MAP3K9: variants seen among roughly 807,000 people sequenced by gnomAD.
MAP3K9 encodes the protein mitogen-activated protein kinase kinase kinase 9.
A neutral mutation model predicts 95.8 loss-of-function variants in MAP3K9; 46 were observed. That is an observed-to-expected ratio of 0.48 (90% CI 0.38 to 0.61). The LOEUF is 0.61. MAP3K9 is among the 20% of genes least tolerant of loss of function. MAP3K9 has a pLI of 0.00. For missense variants in MAP3K9, 1,296 were observed against 1,474.3 expected (o/e 0.88, Z 1.98); for synonymous variants, 533 against 593.8 (o/e 0.90, Z 1.49).
At chr14:70,806,046 A>G (rs561900924) in intron 1 of MAP3K9, among the ~76,000 whole-genome samples, 2 of 152,356 alleles carry the variant, frequency 1.3e-5, no homozygotes, top group East Asian at 3.9e-4. Context: ...TCTTCTATTC[A>G]TGGTCCAGAA....
At chr14:70,779,945 C>G (rs570797248) in intron 2 of MAP3K9, among the ~76,000 whole-genome samples, 1 of 152,204 alleles carries the variant, frequency 6.6e-6, no homozygotes, top group African/African-American at 2.4e-5. Flanking sequence ...GGAGACAGAA[C>G]GGATAGATGA....
intron 2 of MAP3K9, among the ~76,000 whole-genome samples, chr14:70,799,362 T>C (rs1389953848): frequency 6.6e-6 from 1 of 151,988 alleles, no homozygotes; most frequent in African/African-American, 2.4e-5. Flanking sequence ...TTTTTTGAGA[T>C]GGAGTCTCGC....
chr14:70,734,548 T>A, intron 9 of MAP3K9, 50 bp from the exon 10 acceptor site: 2 of 1,074,424 alleles, frequency 1.9e-6, no homozygotes. Context: ...CCTTTCTTAC[T>A]TGACCCTCAG....
At chr14:70,784,902 G>A (rs1374153918) in intron 2 of MAP3K9, among the ~76,000 whole-genome samples, 2 of 152,176 alleles carry the variant, frequency 1.3e-5, no homozygotes, top group African/African-American at 2.4e-5. Context: ...TCTGTAGTTC[G>A]AAATGTGGGG....
chr14:70,749,788 TCCAGTTGC>T (rs2054200051), intron 4 of MAP3K9, 137 bp downstream of exon 4: 5 of 908,500 alleles, frequency 5.5e-6, no homozygotes, highest in Non-Finnish European at 8.3e-6. Flanking sequence ...AAGAAGCCTT[TCCAGTTGC>T]CCAGAGGATT....
Position 70,762,449 on chromosome 14 carries a change from A to G in MAP3K9, c.821-1267T>C, listed in dbSNP as rs552619351. On this transcript the variant is annotated intron_variant, in intron 2 of 11. Transcript: ENST00000554752. ...TCTTAATGCCATCCTAGTGCATGTG[A>G]TATGGTAACTCATTGTGGTTTGGGT... Among the ~76,000 whole-genome samples, 3 of 152,276 alleles carry G rather than the reference A, an allele frequency of 2.0e-5. No individual in the cohort carries two copies. In the South Asian group the frequency reaches 6.2e-4, roughly 32 times the overall value.
In MAP3K9 at chr14:70,809,377, C is replaced by G; in HGVS notation, c.-206G>C. On this transcript the variant is annotated 5_prime_UTR_variant, in exon 1 of 12. Coordinates refer to ENST00000554752, the MANE Select transcript of MAP3K9 (RefSeq NM_001284230.2). The stretch of plus-strand genomic sequence containing the variant: ...GAGCGCCGAGCGCGAGCTCTTCGCG[C>G]AGCCTAGGGGCGCAGCGGGCCGAGT... 1.7e-6 allele frequency: 1 copy of G among 575,402 alleles called. No individual in the cohort carries two copies. The highest frequency in any genetic ancestry group is 2.6e-6 in the Non-Finnish European group (1 of 391,282). 35.6% of individuals were successfully genotyped at this position (575,402 alleles called of 1,614,324 possible).
At position 70,735,233 on chromosome 14, in the gene MAP3K9, A is replaced by G. The variant is rs368711888; in HGVS notation, c.1913+728T>C. Among the ~76,000 whole-genome samples, 17 of 152,232 alleles carry G rather than the reference A, an allele frequency of 1.1e-4. No individual in the cohort carries two copies. The East Asian group carries it at 1.4e-3, about 12-fold the overall frequency. ...AGGATACAGCCTGGGCACCCTGCCA[A>G]CCACTTTGTAGGAGGGGGGAACCAG... On this transcript the variant is annotated intron_variant, in intron 9 of 11. Coordinates refer to ENST00000554752, the MANE Select transcript of MAP3K9 (RefSeq NM_001284230.2).
chr14:70,740,219 C>T, intron 6 of MAP3K9, 55 bp from the exon 7 acceptor site: 1 of 1,565,596 alleles, frequency 6.4e-7, no homozygotes, highest in Non-Finnish European at 8.7e-7. Flanking sequence ...TAATTAAATT[C>T]ATATAAGAAA....
rs1037133204 is a variant in MAP3K9, at chr14:70,726,737, G to C, written c.*3643C>G. 6.6e-6 allele frequency: 1 copy of C among 152,312 alleles called. No homozygotes were observed. The highest frequency in any genetic ancestry group is 1.5e-5 in the Non-Finnish European group (1 of 68,124). 9.4% of individuals were successfully genotyped at this position (152,312 alleles called of 1,614,324 possible). A position where few individuals can be genotyped will look rare whatever the true frequency, so the allele number is the denominator to read the frequency against. On this transcript the variant is annotated 3_prime_UTR_variant, in exon 12 of 12. Transcript: ENST00000554752. Reference sequence around the variant, plus strand: ...AGCCAAAGGACGAAAGAAAAGGCAAGTTCCCTCAAGGCAAAGGTGATGAGA... The same window carrying C: ...AGCCAAAGGACGAAAGAAAAGGCAACTTCCCTCAAGGCAAAGGTGATGAGA...
intron 2 of MAP3K9, among the ~76,000 whole-genome samples, chr14:70,781,621 C>T (rs1338528008): frequency 6.6e-6 from 1 of 152,212 alleles, no homozygotes; most frequent in African/African-American, 2.4e-5. Context: ...GAAAAACTAC[C>T]TTTTACTGAG....
Position 70,758,787 on chromosome 14 carries a change from G to T in MAP3K9, c.1001+2215C>A, listed in dbSNP as rs572904332. On this transcript the variant is annotated intron_variant, in intron 3 of 11. Coordinates refer to ENST00000554752, the MANE Select transcript of MAP3K9 (RefSeq NM_001284230.2). The stretch of plus-strand genomic sequence containing the variant: ...TGAATCTTTTTTTTTTTTTTGAGAC[G>T]GAGTTTCACTCGTTTCCCAGGCTGG... Among the ~76,000 whole-genome samples the T allele has an allele frequency of 4.8e-4, 72 of 149,670 alleles. 1 individual carries two copies. Among genetic ancestry groups the T allele is most frequent in the African/African-American group, 1.7e-3 (71 of 40,748 alleles).
chr14:70,749,059 A>T, intron 4 of MAP3K9, 55 bp from the exon 5 acceptor site: 1 of 1,549,386 alleles, frequency 6.5e-7, no homozygotes, highest in Non-Finnish European at 8.8e-7. Context: ...GCAAACATGT[A>T]AGACTTAGGC....
intron 8 of MAP3K9, among the ~76,000 whole-genome samples, chr14:70,738,017 G>A (rs1439858734): frequency 6.6e-6 from 1 of 152,140 alleles, no homozygotes; most frequent in East Asian, 1.9e-4. Context: ...GGAATCACAA[G>A]GCCTAAAATA....
At chr14:70,763,875 C>T (rs2054408534) in intron 2 of MAP3K9, among the ~76,000 whole-genome samples, 1 of 151,644 alleles carries the variant, frequency 6.6e-6, no homozygotes, top group South Asian at 2.1e-4. Flanking sequence ...TGCACTCCTT[C>T]TACTTATGTA....
chr14:70,765,937 C>T (rs2054448901), intron 2 of MAP3K9, among the ~76,000 whole-genome samples: 1 of 151,716 alleles, frequency 6.6e-6, no homozygotes, highest in African/African-American at 2.4e-5. Flanking sequence ...GTGACTGTAC[C>T]GAGAAGAACT....
At chr14:70,755,284 G>C (rs1004187352) in intron 3 of MAP3K9, among the ~76,000 whole-genome samples, 1 of 152,214 alleles carries the variant, frequency 6.6e-6, no homozygotes, top group Non-Finnish European at 1.5e-5. Flanking sequence ...GAGACACCCT[G>C]CTGGGCCCTA....
At chr14:70,749,342 A>G (rs1346455099) in intron 4 of MAP3K9, among the ~76,000 whole-genome samples, 1 of 152,250 alleles carries the variant, frequency 6.6e-6, no homozygotes, top group African/African-American at 2.4e-5. Flanking sequence ...TCAAGAACAG[A>G]CAATGGGGAA....
At chr14:70,753,137 C>T (rs892053979) in intron 3 of MAP3K9, among the ~76,000 whole-genome samples, 3 of 152,212 alleles carry the variant, frequency 2.0e-5, no homozygotes, top group Non-Finnish European at 4.4e-5. Context: ...TCAGTTTCCT[C>T]ATCCCTACAG....
Sources: gnomAD v4.1 joint callset for allele counts (sites outside exome capture counted in the v4.1 genomes callset) on GRCh38, gnomAD v4.1.1 for gene constraint, MANE v1.5 for transcripts, NCBI Gene and HGNC (gene_info 2026-07-23, HGNC 2026-07-21) for gene names.